Variants in GRIP1 observed in about 807,000 individuals in gnomAD.
GRIP1 encodes glutamate receptor interacting protein 1.
A neutral mutation model predicts 129.9 loss-of-function variants in GRIP1; 45 were observed. The observed-to-expected ratio is 0.35, with a 90% CI of 0.27 to 0.44. The LOEUF (loss-of-function observed/expected upper bound fraction) is 0.44. Among genes scored for constraint, GRIP1 ranks in the 20% least tolerant of loss-of-function variants. The pLI is 1.00. For synonymous variants in GRIP1, 530 were observed against 520.8 expected (o/e 1.02, Z -0.24); for missense variants, 1,196 against 1,396.8 (o/e 0.86, Z 2.29).
chr12:66,658,349 G>GT (rs1248019470), intron 1 of GRIP1, among the ~76,000 whole-genome samples: 5 of 152,168 alleles, frequency 3.3e-5, no homozygotes, highest in African/African-American at 4.8e-5. Context: ...GGAATGCCTA[G>GT]TAAGTAAAGT....
chr12:66,606,189 A>G (rs2064517637), intron 1 of GRIP1, among the ~76,000 whole-genome samples: 1 of 152,174 alleles, frequency 6.6e-6, no homozygotes, highest in Non-Finnish European at 1.5e-5. Context: ...AAAACAGTGA[A>G]ATAGGTGATG....
chr12:66,535,929 T>G (rs537466194), intron 4 of GRIP1, among the ~76,000 whole-genome samples: 4 of 152,308 alleles, frequency 2.6e-5, no homozygotes, highest in African/African-American at 7.2e-5. Context: ...GCATGTCAAA[T>G]AGGCACCTCA....
At chr12:66,416,019 A>T (rs986095171) in intron 15 of GRIP1, among the ~76,000 whole-genome samples, 2 of 152,144 alleles carry the variant, frequency 1.3e-5, no homozygotes, top group African/African-American at 2.4e-5. Flanking sequence ...ACCATGGCAC[A>T]CATTTACCTA....
chr12:66,775,826 G>C (rs765532759), intron 1 of GRIP1, among the ~76,000 whole-genome samples: 15 of 152,146 alleles, frequency 9.9e-5, no homozygotes, highest in Non-Finnish European at 1.9e-4. Context: ...TTACTAGGGG[G>C]AAAAATGGTT....
At chr12:66,782,571 A>G (rs2038196201) in intron 1 of GRIP1, among the ~76,000 whole-genome samples, 1 of 152,214 alleles carries the variant, frequency 6.6e-6, no homozygotes, top group Admixed American at 6.5e-5. Context: ...ATAGTATTTT[A>G]GAATTGGAAG....
intron 1 of GRIP1, among the ~76,000 whole-genome samples, chr12:66,913,697 G>A (rs952087548): frequency 6.6e-6 from 1 of 152,016 alleles, no homozygotes; most frequent in South Asian, 2.1e-4. Context: ...TCCTGGAGGT[G>A]GAAATAGAAA....
chr12:66,459,404 C>T (rs912417556), intron 9 of GRIP1, among the ~76,000 whole-genome samples: 2 of 152,154 alleles, frequency 1.3e-5, no homozygotes, highest in African/African-American at 4.8e-5. Flanking sequence ...GCGTACTTTT[C>T]ACAAAGTACC....
chr12:66,454,620 A>T (rs1381927065), intron 11 of GRIP1, among the ~76,000 whole-genome samples: 1 of 152,216 alleles, frequency 6.6e-6, no homozygotes, highest in African/African-American at 2.4e-5. Context: ...CCCTCTATTC[A>T]GACAACCAGC....
At chr12:66,793,040 TATAA>T (rs1309605018) in intron 1 of GRIP1, among the ~76,000 whole-genome samples, 4 of 152,168 alleles carry the variant, frequency 2.6e-5, no homozygotes, top group Non-Finnish European at 5.9e-5. Context: ...CAATAGAAAA[TATAA>T]ATAAATAAAA....
chr12:66,449,673 A>G (rs1242955077), intron 11 of GRIP1, among the ~76,000 whole-genome samples: 1 of 152,152 alleles, frequency 6.6e-6, no homozygotes, highest in Non-Finnish European at 1.5e-5. Context: ...CTCTCCAGAT[A>G]ATAATTTTTG....
chr12:66,583,685 A>G, intron 2 of GRIP1, among the ~76,000 whole-genome samples: 1 of 139,830 alleles, frequency 7.2e-6, no homozygotes, highest in African/African-American at 2.6e-5. Flanking sequence ...CATCAGAGAA[A>G]TGCAAATCAA....
At chr12:66,998,322 T>C (rs1050194801) in intron 1 of GRIP1, among the ~76,000 whole-genome samples, 8 of 152,120 alleles carry the variant, frequency 5.3e-5, no homozygotes, top group African/African-American at 1.7e-4. Context: ...GGCCAAATAA[T>C]TTCATAGGGA....
chr12:66,832,977 G>A (rs2039545238), intron 1 of GRIP1, among the ~76,000 whole-genome samples: 1 of 152,124 alleles, frequency 6.6e-6, no homozygotes, highest in Non-Finnish European at 1.5e-5. Flanking sequence ...AGTTTGTGTT[G>A]AGATGTGTTC....
chr12:66,472,552 C>G (rs886931122), intron 7 of GRIP1, among the ~76,000 whole-genome samples: 2 of 152,232 alleles, frequency 1.3e-5, no homozygotes, highest in African/African-American at 2.4e-5. Flanking sequence ...CAAATAGGAA[C>G]AGCTCCAGTC....
chr12:66,565,118 T>C (rs1316753706), intron 2 of GRIP1, among the ~76,000 whole-genome samples: 1 of 152,230 alleles, frequency 6.6e-6, no homozygotes, highest in Non-Finnish European at 1.5e-5. Context: ...GCAGAAGCTC[T>C]TTAGTTTAAT....
At chr12:66,598,851 A>G (rs2064161696) in intron 1 of GRIP1, among the ~76,000 whole-genome samples, 2 of 152,216 alleles carry the variant, frequency 1.3e-5, no homozygotes, top group Admixed American at 6.5e-5. Flanking sequence ...TCAAGATTCC[A>G]GCCAATTAAA....
intron 1 of GRIP1, among the ~76,000 whole-genome samples, chr12:66,776,583 T>C (rs1370180168): frequency 1.3e-5 from 2 of 152,164 alleles, no homozygotes; most frequent in Admixed American, 1.3e-4. Flanking sequence ...AAGCTTATAA[T>C]AAAGAGTGGA....
Position 66,365,428 on chromosome 12 carries a change from C to T in GRIP1, c.3012+6266G>A, listed in dbSNP as rs1297307873. On this transcript the variant is annotated intron_variant, in intron 23 of 24. Coordinates refer to ENST00000359742, the MANE Select transcript of GRIP1 (RefSeq NM_001366722.1). ...CTCCAGCCTGGGCAACAAAGCCAGACTTCATCCCTCACCTCCCTCCCAAAA... is the reference window on the plus strand; with the variant it reads ...CTCCAGCCTGGGCAACAAAGCCAGATTTCATCCCTCACCTCCCTCCCAAAA... Among the ~76,000 whole-genome samples, 3 of 152,344 alleles carry T rather than the reference C, an allele frequency of 2.0e-5. No homozygotes were observed. In the South Asian group the frequency reaches 6.2e-4, roughly 32 times the overall value.
chr12:66,601,171 C>T (rs991447267), intron 1 of GRIP1, among the ~76,000 whole-genome samples: 1 of 152,182 alleles, frequency 6.6e-6, no homozygotes, highest in African/African-American at 2.4e-5. Flanking sequence ...TCATTCCCCC[C>T]AATTTGGCCA....
Sources: gnomAD v4.1 joint callset for allele counts (sites outside exome capture counted in the v4.1 genomes callset) on GRCh38, gnomAD v4.1.1 for gene constraint, MANE v1.5 for transcripts, NCBI Gene and HGNC (gene_info 2026-07-23, HGNC 2026-07-21) for gene names.